Variants in ACBD3 observed in about 807,000 individuals in gnomAD.
ACBD3 encodes Golgi resident protein GCP60.
In ACBD3, 30 loss-of-function variants were observed where a neutral mutation model predicts 66.9. The ratio of observed to expected loss-of-function variants is 0.45; its 90% CI spans 0.34 to 0.61. ACBD3 has a LOEUF of 0.61. ACBD3 is among the 20% of genes least tolerant of loss of function. ACBD3 has a pLI of 0.02. For missense variants in ACBD3, 544 were observed against 664.5 expected (o/e 0.82, Z 1.99); for synonymous variants, 278 against 259.8 (o/e 1.07, Z -0.68).
At chr1:226,164,459 T>C (rs1026891015) in intron 3 of ACBD3, among the ~76,000 whole-genome samples, 11 of 152,144 alleles carry the variant, frequency 7.2e-5, no homozygotes, top group African/African-American at 2.4e-5. Flanking sequence ...ACAAAGGGTA[T>C]GTCAGACCAG....
chr1:226,156,306 CAACAT>C (rs1395511820), intron 5 of ACBD3, among the ~76,000 whole-genome samples: 1 of 152,150 alleles, frequency 6.6e-6, no homozygotes, highest in African/African-American at 2.4e-5. Context: ...TACCTTCACT[CAACAT>C]TACTTTTATA....
Position 226,161,632 on chromosome 1 carries a change from C to T in ACBD3, c.627G>A (p.Lys209=). 6.2e-7 allele frequency: 1 copy of T among 1,613,494 alleles called. No individual in the cohort carries two copies. The highest frequency in any genetic ancestry group is 2.2e-5 in the East Asian group (1 of 44,864). ...REEEERERLQ[K]EEEKRRREEE... is the part of the protein sequence containing the mutation. ...CTTCTCTCCTACGTTTCTCTTCCTC[C>T]TTTTGCAGACGTTCTCTTTCTTCCT... Residue 209 remains lysine (K), a synonymous_variant, in exon 4 of 8, where the codon AAG becomes AAA. Coordinates refer to ENST00000366812, the MANE Select transcript of ACBD3 (RefSeq NM_022735.4).
intron 1 of ACBD3, among the ~76,000 whole-genome samples, chr1:226,171,136 G>A (rs949088036): frequency 2.8e-5 from 4 of 142,230 alleles, no homozygotes; most frequent in African/African-American, 1.1e-4. Flanking sequence ...GTCTTTGAGG[G>A]ATGGTAAGTA....
chr1:226,147,157 T>A (rs1438638167), intron 7 of ACBD3, among the ~76,000 whole-genome samples: 2 of 152,236 alleles, frequency 1.3e-5, no homozygotes, highest in Non-Finnish European at 2.9e-5. Context: ...CCCAAAGTGC[T>A]GGGATTACAG....
At chr1:226,156,313 A>G (rs1321756145) in intron 5 of ACBD3, among the ~76,000 whole-genome samples, 1 of 152,188 alleles carries the variant, frequency 6.6e-6, no homozygotes, top group African/African-American at 2.4e-5. Flanking sequence ...ACTCAACATT[A>G]CTTTTATAAG....
At chr1:226,182,246 G>C (rs960839796) in intron 1 of ACBD3, among the ~76,000 whole-genome samples, 2 of 151,164 alleles carry the variant, frequency 1.3e-5, no homozygotes, top group Admixed American at 6.6e-5. Context: ...AAAAAGAATT[G>C]AGCAACTTTG....
intron 7 of ACBD3, 73 bp from the exon 8 acceptor site, chr1:226,146,894 CTTTCT>C (rs1659465077): frequency 7.0e-7 from 1 of 1,437,826 alleles, no homozygotes. Context: ...AAAATCTATC[CTTTCT>C]TTTTTTTCTG....
At chr1:226,152,006 CAAA>C (rs200442682) in intron 7 of ACBD3, among the ~76,000 whole-genome samples, 1 of 137,106 alleles carries the variant, frequency 7.3e-6, no homozygotes. Context: ...GACTCTGTCT[CAAA>C]AAAAAAAAAA....
chr1:226,166,042 A>C, intron 1 of ACBD3, 42 bp from the exon 2 acceptor site: 1 of 1,573,796 alleles, frequency 6.4e-7, no homozygotes, highest in Non-Finnish European at 8.6e-7. Flanking sequence ...TAGCACAGGC[A>C]AAATACATAA....
At chr1:226,155,940 G>A (rs1430858186) in intron 5 of ACBD3, among the ~76,000 whole-genome samples, 3 of 152,106 alleles carry the variant, frequency 2.0e-5, no homozygotes, top group African/African-American at 7.2e-5. Context: ...AAATCCAAAG[G>A]ACTATTTTGG....
In ACBD3 at chr1:226,186,522, C is replaced by A; in HGVS notation, c.154G>T (p.Gly52Cys). ...PSPPGSGRGPGASGEQPEPGE... is the reference protein window; with the variant it reads ...PSPPGSGRGPCASGEQPEPGE... ...GGCTCGGGCTGCTCCCCTGAGGCGCCCGGGCCGCGACCGGATCCAGGTGGC... is the reference window on the plus strand; with the variant it reads ...GGCTCGGGCTGCTCCCCTGAGGCGCACGGGCCGCGACCGGATCCAGGTGGC... The change falls in exon 1 of 8, where the codon GGC becomes TGC. Residue 52 changes from glycine (G) to cysteine (C), a missense_variant. Coordinates refer to ENST00000366812, the MANE Select transcript of ACBD3 (RefSeq NM_022735.4). 2 of 1,399,606 alleles carry A rather than the reference C, an allele frequency of 1.4e-6. No individual in the cohort carries two copies. The highest frequency in any genetic ancestry group is 1.8e-6 in the Non-Finnish European group (2 of 1,082,988). The allele number at this position is 1,399,606 out of a possible 1,614,324, so 86.7% of individuals were successfully genotyped here.
chr1:226,150,694 AC>A (rs754943851), intron 7 of ACBD3, among the ~76,000 whole-genome samples: 24 of 152,086 alleles, frequency 1.6e-4, no homozygotes, highest in Non-Finnish European at 3.1e-4. Flanking sequence ...TTTCAATCTT[AC>A]ATTTTTTCTT....
rs575358684 is a variant in ACBD3 at position 226,145,688 on chromosome 1, A to C, written c.*922T>G. 1.3e-5 allele frequency: 2 copies of C among 152,782 alleles called. No individual in the cohort carries two copies. The highest frequency in any genetic ancestry group is 4.8e-5 in the African/African-American group (2 of 41,590). The allele number at this position is 152,782 out of a possible 1,614,324, so 9.5% of individuals were successfully genotyped here. ...TAGACTGTCTCTGGCAGTGATTTCC[A>C]TATTAGTGCAATGTTACTTCCCATA... On this transcript the variant is annotated 3_prime_UTR_variant, in exon 8 of 8. Coordinates refer to ENST00000366812, the MANE Select transcript of ACBD3 (RefSeq NM_022735.4).
intron 1 of ACBD3, among the ~76,000 whole-genome samples, chr1:226,175,181 A>C (rs1656002689): frequency 6.6e-6 from 1 of 152,148 alleles, no homozygotes; most frequent in Non-Finnish European, 1.5e-5. Context: ...AATTATTTCC[A>C]ATCTAGACTT....
At chr1:226,151,675 T>C (rs1353587859) in intron 7 of ACBD3, among the ~76,000 whole-genome samples, 1 of 152,194 alleles carries the variant, frequency 6.6e-6, no homozygotes, top group South Asian at 2.1e-4. Context: ...TTTAAATAAA[T>C]GCCAGGGTTG....
chr1:226,176,724 G>A (rs947282839), intron 1 of ACBD3, among the ~76,000 whole-genome samples: 2 of 151,922 alleles, frequency 1.3e-5, no homozygotes, highest in Non-Finnish European at 2.9e-5. Flanking sequence ...GTGACTATAT[G>A]AATATGAAAA....
At chr1:226,154,601 A>T (rs1212905046) in intron 6 of ACBD3, 46 bp downstream of exon 6, 5 of 1,550,058 alleles carry the variant, frequency 3.2e-6, no homozygotes, top group Non-Finnish European at 3.5e-6. Flanking sequence ...TGCCTTTCAC[A>T]GATTTGGAAT....
intron 1 of ACBD3, among the ~76,000 whole-genome samples, chr1:226,182,597 T>G (rs564977531): frequency 5.3e-5 from 8 of 151,706 alleles, no homozygotes; most frequent in Non-Finnish European, 1.2e-4. Context: ...CTGGGTGACA[T>G]AGCAAGACTC....
At chr1:226,158,164 G>A (rs1558125377) in intron 5 of ACBD3, among the ~76,000 whole-genome samples, 1 of 152,160 alleles carries the variant, frequency 6.6e-6, no homozygotes, top group Admixed American at 6.5e-5. Flanking sequence ...CAGGAGAAAA[G>A]GTTGTTTAGT....
Sources: allele counts gnomAD v4.1 joint callset (sites outside exome capture counted in the v4.1 genomes callset), GRCh38; gene constraint gnomAD v4.1.1; transcripts MANE v1.5; gene names NCBI Gene and HGNC (gene_info 2026-07-23, HGNC 2026-07-21).